Variants in PHLPP1 observed in about 807,000 individuals in gnomAD.
The protein encoded by PHLPP1 is PH domain and leucine rich repeat protein phosphatase 1.
PHLPP1 carries 42 observed loss-of-function variants against 117.2 expected under a neutral mutation model. That is an observed-to-expected ratio of 0.36 (90% confidence interval 0.28 to 0.46). The LOEUF is 0.46. PHLPP1 is among the 20% of genes least tolerant of loss of function. PHLPP1 has a pLI of 1.00. For missense variants in PHLPP1, 2,084 were observed against 2,241.9 expected (o/e 0.93, Z 1.42); for synonymous variants, 1,042 against 970.7 (o/e 1.07, Z -1.37).
At chr18:62,958,078 C>T (rs1485454308) in intron 12 of PHLPP1, among the ~76,000 whole-genome samples, 3 of 152,048 alleles carry the variant, frequency 2.0e-5, no homozygotes, top group African/African-American at 7.2e-5. Context: ...CTTGCGCCAC[C>T]ACCTGGCCAA....
At chr18:62,804,447 C>T (rs930785582) in intron 1 of PHLPP1, among the ~76,000 whole-genome samples, 1 of 151,910 alleles carries the variant, frequency 6.6e-6, no homozygotes, top group African/African-American at 2.4e-5. Flanking sequence ...CACAGTGGGT[C>T]ACACCTGTAA....
chr18:62,898,332 C>T (rs150983141), intron 6 of PHLPP1, among the ~76,000 whole-genome samples: 1 of 152,348 alleles, frequency 6.6e-6, no homozygotes, highest in Non-Finnish European at 1.5e-5. Flanking sequence ...CTGATAGCAA[C>T]ACCACCTCAT....
At chr18:62,875,779 T>C (rs973195298) in intron 4 of PHLPP1, among the ~76,000 whole-genome samples, 1 of 151,920 alleles carries the variant, frequency 6.6e-6, no homozygotes. Context: ...CCCCCCGAGG[T>C]TGGAGTGCAG....
At chr18:62,720,640 C>T (rs924421125) in intron 1 of PHLPP1, among the ~76,000 whole-genome samples, 2 of 152,064 alleles carry the variant, frequency 1.3e-5, no homozygotes, top group African/African-American at 2.4e-5. Context: ...TTGAGTAACG[C>T]GGTTCGAACG....
At chr18:62,880,504 AT>A (rs997261194) in intron 4 of PHLPP1, among the ~76,000 whole-genome samples, 13 of 150,354 alleles carry the variant, frequency 8.6e-5, no homozygotes, top group Non-Finnish European at 1.5e-4. Context: ...TTTTTAAGGA[AT>A]TTTTTTGTTT....
At chr18:62,888,286 AAT>A (rs2144391337) in intron 4 of PHLPP1, among the ~76,000 whole-genome samples, 1 of 122,540 alleles carries the variant, frequency 8.2e-6, no homozygotes, top group South Asian at 2.8e-4. Context: ...TATTTCACAA[AAT>A]GTGTGTGTGT....
At chr18:62,757,848 T>C (rs968742786) in intron 1 of PHLPP1, among the ~76,000 whole-genome samples, 2 of 152,236 alleles carry the variant, frequency 1.3e-5, no homozygotes, top group African/African-American at 4.8e-5. Flanking sequence ...TGTGAATATT[T>C]CCTGCAAAAA....
chr18:62,852,445 G>A (rs1440620522), intron 3 of PHLPP1, among the ~76,000 whole-genome samples: 1 of 152,162 alleles, frequency 6.6e-6, no homozygotes, highest in Non-Finnish European at 1.5e-5. Context: ...CTGGGTTCAT[G>A]CCATTCTCCT....
intron 1 of PHLPP1, among the ~76,000 whole-genome samples, chr18:62,767,314 T>C (rs1912579479): frequency 6.6e-6 from 1 of 152,162 alleles, no homozygotes; most frequent in Non-Finnish European, 1.5e-5. Context: ...TTTGGCCTTC[T>C]CTCAGTTAAT....
intron 1 of PHLPP1, among the ~76,000 whole-genome samples, chr18:62,801,575 C>T (rs555041119): frequency 6.6e-6 from 1 of 152,122 alleles, no homozygotes; most frequent in Non-Finnish European, 1.5e-5. Flanking sequence ...GCCTCAGCCT[C>T]TTGAGTAGCT....
intron 6 of PHLPP1, among the ~76,000 whole-genome samples, chr18:62,899,829 T>C: frequency 6.6e-6 from 1 of 152,148 alleles, no homozygotes; most frequent in East Asian, 1.9e-4. Context: ...ACTACCACAC[T>C]TGGCTAATTT....
At chr18:62,828,062 T>C (rs1231048879) in intron 1 of PHLPP1, among the ~76,000 whole-genome samples, 1 of 151,166 alleles carries the variant, frequency 6.6e-6, no homozygotes, top group East Asian at 1.9e-4. Context: ...GATCCCTTTT[T>C]AGCATTAGTT....
intron 3 of PHLPP1, chr18:62,839,625 A>G (rs1033699405): frequency 2.0e-5 from 3 of 151,372 alleles, no homozygotes; most frequent in Non-Finnish European, 4.4e-5. Context: ...AGGCTGAGGC[A>G]CGAAAATTGC....
At chr18:62,925,877 A>G (rs1283010727) in intron 10 of PHLPP1, among the ~76,000 whole-genome samples, 3 of 152,192 alleles carry the variant, frequency 2.0e-5, no homozygotes, top group South Asian at 2.1e-4. Context: ...TGGGAACTGT[A>G]TGTTTATCAA....
At chr18:62,752,015 A>G (rs1421452191) in intron 1 of PHLPP1, among the ~76,000 whole-genome samples, 1 of 152,230 alleles carries the variant, frequency 6.6e-6, no homozygotes, top group Non-Finnish European at 1.5e-5. Flanking sequence ...ATGTGCTCCA[A>G]AGGAATTTAT....
intron 3 of PHLPP1, among the ~76,000 whole-genome samples, chr18:62,841,271 A>G (rs1278873465): frequency 6.8e-6 from 1 of 147,100 alleles, no homozygotes; most frequent in Non-Finnish European, 1.5e-5. Context: ...TTTGATTGTC[A>G]TGTCTCTTTT....
At chr18:62,804,729 G>A (rs906912057) in intron 1 of PHLPP1, among the ~76,000 whole-genome samples, 2 of 144,068 alleles carry the variant, frequency 1.4e-5, no homozygotes, top group African/African-American at 2.6e-5. Flanking sequence ...TTAAGAACAC[G>A]GTCTCGCTCT....
At chr18:62,884,003 C>A (rs1916226358) in intron 4 of PHLPP1, among the ~76,000 whole-genome samples, 1 of 152,184 alleles carries the variant, frequency 6.6e-6, no homozygotes, top group Non-Finnish European at 1.5e-5. Context: ...CCAGATACAT[C>A]AGTGGATGTT....
At chr18:62,917,545 G>A (rs1377348277) in intron 9 of PHLPP1, among the ~76,000 whole-genome samples, 8 of 152,054 alleles carry the variant, frequency 5.3e-5, no homozygotes, top group African/African-American at 1.9e-4. Flanking sequence ...GCTGGGCACC[G>A]TGGCTCTTGC....
Sources: allele counts gnomAD v4.1 joint callset (sites outside exome capture counted in the v4.1 genomes callset), GRCh38; gene constraint gnomAD v4.1.1; transcripts MANE v1.5; gene names NCBI Gene and HGNC (gene_info 2026-07-23, HGNC 2026-07-21).